The following NEK10 variants were observed in gnomAD, a reference collection of about 807,000 sequenced individuals.
NEK10 encodes the protein NIMA related kinase 10.
A neutral mutation model predicts 159.8 loss-of-function variants in NEK10; 122 were observed. The observed-to-expected ratio is 0.76, with a 90% CI of 0.66 to 0.89. NEK10 has a LOEUF of 0.89. Ranked by LOEUF, NEK10 falls within the 40% of genes least tolerant of loss-of-function variation. The probability of loss-of-function intolerance (pLI) is 0.00; values close to 1 mark genes in which losing one functional copy is unlikely to be tolerated. For missense variants in NEK10, 1,342 were observed against 1,323.1 expected, an observed-to-expected ratio of 1.01 and a Z score of -0.22; for synonymous variants, 466 against 457.1, an observed-to-expected ratio of 1.02 and a Z score of -0.25.
intron 22 of NEK10, among the ~76,000 whole-genome samples, chr3:27,275,345 T>A (rs1018360070): frequency 7.9e-5 from 12 of 152,230 alleles, no homozygotes; most frequent in Admixed American, 5.9e-4. Context: ...TTCCTTTTTA[T>A]GTTATGAGAC....
chr3:27,184,268 C>T (rs1231068406), intron 26 of NEK10, among the ~76,000 whole-genome samples: 3 of 152,180 alleles, frequency 2.0e-5, no homozygotes, highest in African/African-American at 4.8e-5. Context: ...TACTAATACA[C>T]ACCACGTGGG....
intron 3 of NEK10, among the ~76,000 whole-genome samples, chr3:27,348,570 A>G (rs1200528466): frequency 6.6e-6 from 1 of 151,944 alleles, no homozygotes; most frequent in Non-Finnish European, 1.5e-5. Context: ...TGTGTGTCTG[A>G]TCTCTCCACA....
At chr3:27,290,168 T>C (rs893366236) in intron 19 of NEK10, among the ~76,000 whole-genome samples, 25 of 152,218 alleles carry the variant, frequency 1.6e-4, no homozygotes, top group African/African-American at 5.5e-4. Context: ...CTCATGCCAA[T>C]ACATAATAAC....
intron 5 of NEK10, among the ~76,000 whole-genome samples, chr3:27,334,178 C>A (rs1397307137): frequency 6.6e-6 from 1 of 152,222 alleles, no homozygotes; most frequent in Admixed American, 6.5e-5. Context: ...GTTGAGCTTA[C>A]CCACCAAGCC....
At chr3:27,170,880 C>G (rs3112813) in intron 29 of NEK10, among the ~76,000 whole-genome samples, 2 of 152,160 alleles carry the variant, frequency 1.3e-5, no homozygotes, top group African/African-American at 4.8e-5. Context: ...TCCTCTGGCT[C>G]TGGTCTATGA....
At chr3:27,204,275 C>CTTTTTTTTTTT (rs1203026508) in intron 23 of NEK10, among the ~76,000 whole-genome samples, 38 of 63,920 alleles carry the variant, frequency 5.9e-4, no homozygotes, top group Non-Finnish European at 8.8e-4. Context: ...GATAAATTTT[C>CTTTTTTTTTTT]TTTTTTTTTT....
intron 23 of NEK10, among the ~76,000 whole-genome samples, chr3:27,218,827 C>T (rs1186028128): frequency 6.6e-6 from 1 of 151,404 alleles, no homozygotes; most frequent in Non-Finnish European, 1.5e-5. Context: ...AAGCACTCAG[C>T]TAGGAACAGA....
At chr3:27,146,679 G>A (rs1019127940) in intron 30 of NEK10, among the ~76,000 whole-genome samples, 1 of 152,150 alleles carries the variant, frequency 6.6e-6, no homozygotes, top group Non-Finnish European at 1.5e-5. Flanking sequence ...GAACTCATAA[G>A]GATTTCATAG....
At chr3:27,277,468 A>G (rs900300161) in intron 22 of NEK10, among the ~76,000 whole-genome samples, 1 of 152,012 alleles carries the variant, frequency 6.6e-6, no homozygotes, top group African/African-American at 2.4e-5. Flanking sequence ...CCCAGATCTG[A>G]TCATATAATT....
rs144035884 is a variant in NEK10 at position 27,304,424 on chromosome 3, GT to G, written c.1028+322del. Among the ~76,000 whole-genome samples the G allele has an allele frequency of 8.9e-3, 1,352 of 152,030 alleles. 15 individuals are homozygous for G. The highest frequency in any genetic ancestry group is 0.062 in the East Asian group (320 of 5,168). On this transcript the variant is annotated intron_variant, in intron 12 of 35. Transcript: ENST00000691995. ...TCAAGGAAAAGGTGGCAAGACAAAG[GT>G]TTTTTTTAGGTTACTGGATTTCCAT... is the stretch of plus-strand genomic sequence containing the variant.
chr3:27,367,694 T>C (rs1292510453), intron 1 of NEK10: 3 of 152,320 alleles, frequency 2.0e-5, no homozygotes, highest in South Asian at 2.1e-4. Flanking sequence ...ATAACAATAG[T>C]GACTGAGACA....
chr3:27,205,731 G>A (rs541684821), intron 23 of NEK10, among the ~76,000 whole-genome samples: 6 of 130,234 alleles, frequency 4.6e-5, no homozygotes, highest in African/African-American at 9.3e-5. Flanking sequence ...AGATTTAAAC[G>A]TTAGACCTAA....
intron 25 of NEK10, among the ~76,000 whole-genome samples, chr3:27,192,453 T>C (rs1413699174): frequency 2.0e-5 from 3 of 152,164 alleles, no homozygotes; most frequent in East Asian, 1.9e-4. Context: ...GTCAGCGTTA[T>C]TCTCTTTGCA....
At chr3:27,250,249 C>A (rs150657700) in intron 23 of NEK10, among the ~76,000 whole-genome samples, 1,649 of 151,350 alleles carry the variant, frequency 0.011, 17 homozygotes, top group African/African-American at 0.02. Flanking sequence ...TGCAGTAGCA[C>A]GATCTCCACT....
At chr3:27,208,297 AGAG>A (rs1447387831) in intron 23 of NEK10, among the ~76,000 whole-genome samples, 1 of 152,228 alleles carries the variant, frequency 6.6e-6, no homozygotes, top group Non-Finnish European at 1.5e-5. Context: ...ATAGCTTAGC[AGAG>A]AAGACACTAG....
In NEK10 at chr3:27,350,108, A is replaced by C. The variant is rs572465064; in HGVS notation, c.132+2357T>G. The stretch of plus-strand genomic sequence containing the variant: ...ATTTGGCCAGCCTGGTTCATTTGCA[A>C]AAAACAGGCCACAACTTGTTAGCGC... On this transcript the variant is annotated intron_variant, in intron 3 of 35. Transcript: ENST00000691995. Among the ~76,000 whole-genome samples, 15 of 152,308 alleles carry C rather than the reference A, an allele frequency of 9.8e-5. No individual in the cohort carries two copies. In the South Asian group the frequency reaches 2.7e-3, roughly 27 times the overall value.
chr3:27,167,484 C>T (rs12487340), intron 29 of NEK10, among the ~76,000 whole-genome samples: 96,671 of 152,014 alleles, frequency 0.64, 32,950 homozygotes, highest in African/African-American at 0.9. Flanking sequence ...GAATATGTGA[C>T]AAAGAGGCTG....
intron 22 of NEK10, among the ~76,000 whole-genome samples, chr3:27,260,678 T>C (rs1416656783): frequency 6.6e-6 from 1 of 152,194 alleles, no homozygotes; most frequent in Non-Finnish European, 1.5e-5. Context: ...GGTCTAAAAT[T>C]CTCTTTTTTG....
At chr3:27,308,760 T>G (rs1403449667) in intron 10 of NEK10, among the ~76,000 whole-genome samples, 166 bp downstream of exon 10, 5 of 152,366 alleles carry the variant, frequency 3.3e-5, no homozygotes, top group African/African-American at 1.2e-4. Context: ...AGTTTAAATT[T>G]TTAAATAATG....
Sources: allele counts gnomAD v4.1 joint callset (sites outside exome capture counted in the v4.1 genomes callset), GRCh38; gene constraint gnomAD v4.1.1; transcripts MANE v1.5; gene names NCBI Gene and HGNC (gene_info 2026-07-23, HGNC 2026-07-21).